The following TTI1 variants were observed in gnomAD, a reference collection of about 807,000 sequenced individuals.
TTI1 encodes the protein TELO2 interacting protein 1.
Under a neutral mutation model 85.4 loss-of-function variants are expected in TTI1, and 52 were observed. The observed-to-expected ratio is 0.61, with a 90% CI of 0.49 to 0.77. TTI1 has a LOEUF of 0.77. Ranked by LOEUF, TTI1 falls within the 30% of genes least tolerant of loss-of-function variation. The pLI, the probability that TTI1 is intolerant of heterozygous loss-of-function variation, is 0.00. For missense variants in TTI1, 1,173 were observed against 1,296.0 expected, an observed-to-expected ratio of 0.91 and a Z score of 1.46; for synonymous variants, 512 against 503.9, an observed-to-expected ratio of 1.02 and a Z score of -0.22.
chr20:38,032,379 A>G lies in TTI1; in HGVS notation c.-42+1025T>C, dbSNP rs534818984. Among the ~76,000 whole-genome samples, 9 of 152,380 alleles carry G rather than the reference A, an allele frequency of 5.9e-5. No homozygotes were observed. The South Asian group carries it at 1.9e-3, about 32-fold the overall frequency. The stretch of plus-strand genomic sequence containing the variant: ...GCAATAAGAGCAAAAGCAGGCATCA[A>G]CTAGAAGAACGTCTCCTAAACTAGA... On this transcript the variant is annotated intron_variant, in intron 1 of 7. Transcript: ENST00000373447.
chr20:37,996,487 G>A lies in TTI1; in HGVS notation c.2999-25C>T. On this transcript the variant is annotated intron_variant, in intron 6 of 7. Coordinates refer to ENST00000373447, the MANE Select transcript of TTI1 (RefSeq NM_001303457.2). ...CCTGCAGAAAAGAAAAACAAAACAA[G>A]CATCAGCCCTTACACTTCATTTGGG... 1.9e-6 allele frequency: 3 copies of A among 1,610,924 alleles called. No individual in the cohort carries two copies. In the South Asian group the frequency reaches 3.3e-5, roughly 18 times the overall value.
rs145594109 is a variant in TTI1, at chr20:38,012,444, G to A, written c.1373C>T (p.Ala458Val). Residue 458 changes from alanine to valine, a missense_variant, in exon 2 of 8, where the codon GCT becomes GTT. Transcript: ENST00000373447. ...CTGTGTGGCTGAGGTCTTTGGAGAAGCATTCAGATCATCAGAGTTCCAACG... is the reference window on the plus strand; with the variant it reads ...CTGTGTGGCTGAGGTCTTTGGAGAAACATTCAGATCATCAGAGTTCCAACG... The part of the protein sequence containing the change: ...ERRWNSDDLN[A>V]SPKTSATQPW... 22 of 1,614,232 alleles carry A rather than the reference G, an allele frequency of 1.4e-5. No individual in the cohort carries two copies. Among genetic ancestry groups the A allele is most frequent in the African/African-American group, 2.7e-5 (2 of 75,052 alleles).
intron 1 of TTI1, among the ~76,000 whole-genome samples, chr20:38,028,328 GA>G (rs1468688362): frequency 1.3e-5 from 2 of 152,024 alleles, no homozygotes; most frequent in African/African-American, 4.8e-5. Flanking sequence ...TCAAAGGATG[GA>G]AAAAGATATT....
At position 38,011,810 on chromosome 20, in the gene TTI1, C is replaced by A. The variant is rs765598526; in HGVS notation, c.2007G>T (p.Gln669His). The change falls in exon 2 of 8, where the codon CAG becomes CAT. Residue 669 changes from glutamine (Q) to histidine (H), a missense_variant. Coordinates refer to ENST00000373447, the MANE Select transcript of TTI1 (RefSeq NM_001303457.2). ...CGTCCATCATGGTGCTGGTAGCCACCTGACTAATGAGTAGGGTTTGGTCTC... is the reference window on the plus strand; with the variant it reads ...CGTCCATCATGGTGCTGGTAGCCACATGACTAATGAGTAGGGTTTGGTCTC... Reference protein sequence around the residue: ...KAGDQTLLISQVATSTMMDVC... With the variant: ...KAGDQTLLISHVATSTMMDVC... 1.2e-6 allele frequency: 2 copies of A among 1,614,196 alleles called. No individual in the cohort carries two copies. Among genetic ancestry groups the A allele is most frequent in the East Asian group, 2.2e-5 (1 of 44,888 alleles).
chr20:37,999,542 G>A (rs942656859), intron 4 of TTI1, among the ~76,000 whole-genome samples: 6 of 152,184 alleles, frequency 3.9e-5, no homozygotes, highest in Admixed American at 6.5e-5. Context: ...GGTCAGCTGG[G>A]GAAAGACCTT....
chr20:38,024,528 A>C (rs1295964407), intron 1 of TTI1, among the ~76,000 whole-genome samples: 1 of 152,154 alleles, frequency 6.6e-6, no homozygotes, highest in Non-Finnish European at 1.5e-5. Flanking sequence ...GCAACCTGGA[A>C]GCACCAATGG....
rs1807112340 is a variant in TTI1 at position 38,012,648 on chromosome 20, T to A, written c.1169A>T (p.Asn390Ile). Residue 390 changes from asparagine to isoleucine, a missense_variant, in exon 2 of 8, where the codon AAC (asparagine) becomes ATC (isoleucine). Asn to Ile is a moderately radical substitution (Grantham distance 149). Coordinates refer to ENST00000373447, the MANE Select transcript of TTI1 (RefSeq NM_001303457.2). ...GAATTTGCCCTGGTCATCTTGGGAG[T>A]TCATTAGGCGAGGAAGAGATGTGGC... ...SLATSLPRLM[N>I]SQDDQGKFST... The A allele has an allele frequency of 6.2e-7, 1 of 1,613,864 alleles. No individual in the cohort carries two copies. Among genetic ancestry groups the A allele is most frequent in the Non-Finnish European group, 8.5e-7 (1 of 1,180,018 alleles).
intron 3 of TTI1, among the ~76,000 whole-genome samples, chr20:38,004,982 G>A (rs902406876): frequency 1.3e-5 from 2 of 152,102 alleles, no homozygotes; most frequent in Non-Finnish European, 2.9e-5. Flanking sequence ...TCTGTCCTCG[G>A]GGAGAGCAAT....
chr20:37,987,512 C>G lies in TTI1; in HGVS notation c.3087-3873G>C, dbSNP rs565068912. ...GAACAAAAATTTCTTTCTCCTCCCCCCAGGCCCAAATCAGTGGCTCCAGAG... is the reference window on the plus strand; with the variant it reads ...GAACAAAAATTTCTTTCTCCTCCCCGCAGGCCCAAATCAGTGGCTCCAGAG... On this transcript the variant is annotated intron_variant, in intron 7 of 7. Coordinates refer to ENST00000373447, the MANE Select transcript of TTI1 (RefSeq NM_001303457.2). 23 of 372,862 alleles carry G rather than the reference C, an allele frequency of 6.2e-5. No homozygotes were observed. In the East Asian group the frequency reaches 1.5e-3, roughly 25 times the overall value. The allele number at this position is 372,862 out of a possible 1,614,324, so 23.1% of individuals were successfully genotyped here.
At chr20:38,020,323 A>AAAAAATATATATATATATATAT in intron 1 of TTI1, among the ~76,000 whole-genome samples, 5 of 50,384 alleles carry the variant, frequency 9.9e-5, no homozygotes, top group African/African-American at 2.7e-4. Context: ...AAAAAAAAAA[A>AAAAAATATATATATATATATAT]ATATATATAT....
At chr20:38,030,235 G>GGGAGGAA (rs1440588971) in intron 1 of TTI1, among the ~76,000 whole-genome samples, 29 of 151,122 alleles carry the variant, frequency 1.9e-4, no homozygotes, top group African/African-American at 6.1e-4. Flanking sequence ...GGAGGGAGGA[G>GGGAGGAA]GGAGGAAGGA....
At position 38,002,897 on chromosome 20, in the gene TTI1, G is replaced by A. The variant is rs539052303; in HGVS notation, c.2504-121C>T. ...TTGGTTACAGCAGCACAAATGGACT[G>A]AGACACCTCCACTCAAGGGGGAATA... On this transcript the variant is annotated intron_variant, in intron 3 of 7. Transcript: ENST00000373447. 4 of 1,325,246 alleles carry A rather than the reference G, an allele frequency of 3.0e-6. No individual in the cohort carries two copies. The East Asian group carries it at 7.0e-5, about 23-fold the overall frequency. The allele number at this position is 1,325,246 out of a possible 1,614,324, so 82.1% of individuals were successfully genotyped here.
intron 2 of TTI1, among the ~76,000 whole-genome samples, chr20:38,010,718 C>T (rs929101829): frequency 6.6e-5 from 10 of 152,010 alleles, no homozygotes; most frequent in Non-Finnish European, 8.8e-5. Context: ...CCTCTTGATC[C>T]GCCTGCCTTG....
intron 3 of TTI1, 105 bp downstream of exon 3, chr20:38,006,092 G>T: frequency 7.9e-7 from 1 of 1,273,858 alleles, no homozygotes; most frequent in Non-Finnish European, 1.1e-6. Flanking sequence ...GTAAGGTTAT[G>T]AGTAACTTTT....
intron 1 of TTI1, among the ~76,000 whole-genome samples, chr20:38,024,098 T>C (rs1227663271): frequency 2.0e-5 from 3 of 152,292 alleles, no homozygotes; most frequent in African/African-American, 4.8e-5. Context: ...TGCTAGACAG[T>C]ACATTTCTAA....
intron 7 of TTI1, among the ~76,000 whole-genome samples, chr20:37,989,577 A>T (rs1225373960): frequency 2.0e-5 from 3 of 152,232 alleles, no homozygotes; most frequent in Non-Finnish European, 4.4e-5. Context: ...GCCTCCAGGA[A>T]CCCTGCAAGC....
chr20:37,992,888 T>C (rs2073284585), intron 7 of TTI1, among the ~76,000 whole-genome samples: 1 of 152,146 alleles, frequency 6.6e-6, no homozygotes, highest in Non-Finnish European at 1.5e-5. Flanking sequence ...CCGGGAGACA[T>C]CCTGGAGACT....
At position 38,013,788 on chromosome 20, in the gene TTI1, G is replaced by C; in HGVS notation, c.29C>G (p.Ala10Gly). The change falls in exon 2 of 8, where the codon GCC becomes GGC. Residue 10 changes from alanine (A) to glycine (G), a missense_variant. Transcript: ENST00000373447. ...ACAGACTGGACGTAAGACACCAAAG[G>C]CCTCCTCAGGAGTATCAAAAACTGC... MAVFDTPEE[A>G]FGVLRPVCVQ... 6.2e-7 allele frequency: 1 copy of C among 1,613,710 alleles called. No homozygotes were observed. Among genetic ancestry groups the C allele is most frequent in the South Asian group, 1.1e-5 (1 of 91,070 alleles).
rs114111324 is a variant in TTI1, at chr20:38,001,248, A to T, written c.2652+1380T>A. Among the ~76,000 whole-genome samples, 458 of 152,342 alleles carry T rather than the reference A, an allele frequency of 3.0e-3. 1 individual carries two copies. The highest frequency in any genetic ancestry group is 0.01 in the African/African-American group (432 of 41,564). On this transcript the variant is annotated intron_variant, in intron 4 of 7. Coordinates refer to ENST00000373447, the MANE Select transcript of TTI1 (RefSeq NM_001303457.2). ...ATGCTGTTTTATATTTATAATCAAC[A>T]ACCCTGTGAGGTAGGTACCATCATC...
Sources: allele counts gnomAD v4.1 joint callset (sites outside exome capture counted in the v4.1 genomes callset), GRCh38; gene constraint gnomAD v4.1.1; transcripts MANE v1.5; gene names NCBI Gene and HGNC (gene_info 2026-07-23, HGNC 2026-07-21).